Variants in TBL1X observed in about 807,000 individuals in gnomAD.
TBL1X encodes transducin beta like 1 X-linked, also known as F-box-like/WD repeat-containing protein TBL1X.
A neutral mutation model predicts 50.7 loss-of-function variants in TBL1X; 10 were observed. The observed-to-expected ratio is 0.20, with a 90% CI of 0.12 to 0.33. The LOEUF (loss-of-function observed/expected upper bound fraction) is 0.33. Ranked by LOEUF, TBL1X falls within the 10% of genes least tolerant of loss-of-function variation. TBL1X has a pLI of 1.00. For missense variants in TBL1X, 340 were observed against 504.4 expected (o/e 0.67, Z 3.12); for synonymous variants, 190 against 214.7 (o/e 0.88, Z 1.01).
At chrX:9,520,876 G>A (rs1402599250) in intron 2 of TBL1X, among the ~76,000 whole-genome samples, 2 of 111,344 alleles carry the variant, frequency 1.8e-5, no homozygotes. Flanking sequence ...AGGATTGCTC[G>A]AGCCCAGGAG....
intron 5 of TBL1X, among the ~76,000 whole-genome samples, chrX:9,673,167 G>A (rs1388722793): frequency 8.9e-6 from 1 of 112,509 alleles, no homozygotes; most frequent in Non-Finnish European, 1.9e-5. Flanking sequence ...TAGAAGGGCG[G>A]AGAGAAGCAT....
intron 1 of TBL1X, among the ~76,000 whole-genome samples, chrX:9,489,179 G>T (rs1659548507): frequency 9.1e-6 from 1 of 110,023 alleles, no homozygotes; most frequent in South Asian, 4.0e-4. Context: ...TCAGCTGTGG[G>T]TAAGGAATGA....
intron 2 of TBL1X, among the ~76,000 whole-genome samples, chrX:9,578,497 T>C (rs1471838810): frequency 9.0e-6 from 1 of 111,548 alleles, no homozygotes; most frequent in East Asian, 2.8e-4. Context: ...AAATTGGAAA[T>C]CCAACTGCGC....
At chrX:9,567,851 C>T (rs1814868232) in intron 2 of TBL1X, among the ~76,000 whole-genome samples, 1 of 112,232 alleles carries the variant, frequency 8.9e-6, no homozygotes, top group Non-Finnish European at 1.9e-5. Context: ...AACTCAAGTG[C>T]CACCTCCTCC....
chrX:9,496,488 GT>G (rs1798648820), intron 1 of TBL1X, among the ~76,000 whole-genome samples: 1 of 112,820 alleles, frequency 8.9e-6, no homozygotes, highest in African/African-American at 3.2e-5. Flanking sequence ...GACTTCAGTT[GT>G]ACATATCAAT....
chrX:9,491,339 T>TATATATATATATA (rs1491249258), intron 1 of TBL1X, among the ~76,000 whole-genome samples: 1 of 19,223 alleles, frequency 5.2e-5, no homozygotes, highest in African/African-American at 2.4e-4. Context: ...TATATATATA[T>TATATATATATATA]TTTTTTTTTT....
chrX:9,583,752 A>G (rs1350792812), intron 2 of TBL1X, among the ~76,000 whole-genome samples: 4 of 111,886 alleles, frequency 3.6e-5, no homozygotes, highest in Admixed American at 1.9e-4. Context: ...AATGCTAAGC[A>G]TTTAGTAATT....
Position 9,572,946 on chromosome X carries a change from C to A in TBL1X, c.-130-67327C>A, listed in dbSNP as rs988929175. Among the ~76,000 whole-genome samples, 14 of 112,529 alleles carry A rather than the reference C, an allele frequency of 1.2e-4. No homozygotes were observed. In the Admixed American group the frequency reaches 1.3e-3, roughly 11 times the overall value. On this transcript the variant is annotated intron_variant, in intron 2 of 17. Coordinates refer to ENST00000645353, the MANE Select transcript of TBL1X (RefSeq NM_005647.4). The stretch of plus-strand genomic sequence containing the variant: ...AATAATGAAAAACCAGTTACAAAAT[C>A]TGTATTACCTGTAGCAGTACACATT...
At chrX:9,659,290 C>T (rs767650118) in intron 5 of TBL1X, among the ~76,000 whole-genome samples, 7 of 112,362 alleles carry the variant, frequency 6.2e-5, no homozygotes, top group South Asian at 3.7e-4. Context: ...CACCCTGCCC[C>T]GGCAACCACC....
chrX:9,696,606 C>A (rs1376009008), intron 11 of TBL1X, among the ~76,000 whole-genome samples: 1 of 112,825 alleles, frequency 8.9e-6, no homozygotes, highest in Admixed American at 9.4e-5. Context: ...TGGTGCCTGG[C>A]CCCAGTGCAA....
chrX:9,701,622 A>G (rs1459944423), intron 12 of TBL1X, among the ~76,000 whole-genome samples: 1 of 106,834 alleles, frequency 9.4e-6, no homozygotes, highest in East Asian at 3.0e-4. Flanking sequence ...AACAACTCTT[A>G]ATGTTTTGAG....
intron 2 of TBL1X, among the ~76,000 whole-genome samples, chrX:9,537,682 G>A (rs1217547974): frequency 8.9e-6 from 1 of 112,737 alleles, no homozygotes; most frequent in Non-Finnish European, 1.9e-5. Context: ...GTGTATGGAT[G>A]GACTACACTC....
At chrX:9,574,586 C>T (rs933728698) in intron 2 of TBL1X, among the ~76,000 whole-genome samples, 1 of 110,065 alleles carries the variant, frequency 9.1e-6, no homozygotes, top group African/African-American at 3.3e-5. Context: ...CCCAGATTCA[C>T]TAACAAGAAG....
chrX:9,572,472 C>T lies in TBL1X; in HGVS notation c.-130-67801C>T, dbSNP rs752220518. Among the ~76,000 whole-genome samples the T allele has an allele frequency of 1.2e-4, 13 of 112,956 alleles. 1 individual carries two copies. The highest frequency in any genetic ancestry group is 7.5e-5 in the Non-Finnish European group (4 of 53,420). On this transcript the variant is annotated intron_variant, in intron 2 of 17. Coordinates refer to ENST00000645353, the MANE Select transcript of TBL1X (RefSeq NM_005647.4). Reference sequence around the variant, plus strand: ...GTGTGTATAAACTTTGGGGACACTTCGCAATCAGCATGATGAAGTTTTATT... The same window carrying T: ...GTGTGTATAAACTTTGGGGACACTTTGCAATCAGCATGATGAAGTTTTATT...
chrX:9,612,295 T>A (rs369066481), intron 2 of TBL1X, among the ~76,000 whole-genome samples: 1 of 111,445 alleles, frequency 9.0e-6, no homozygotes, highest in South Asian at 3.8e-4. Context: ...AAAGCCTCCA[T>A]ATGCCTCTTC....
At chrX:9,620,865 C>T (rs2082663313) in intron 2 of TBL1X, among the ~76,000 whole-genome samples, 1 of 112,130 alleles carries the variant, frequency 8.9e-6, no homozygotes, top group African/African-American at 3.2e-5. Context: ...ATGACTCCCA[C>T]TGGGTCCCAG....
chrX:9,609,336 G>GGTGTGTGTGTGTGTGT (rs775969638), intron 2 of TBL1X, among the ~76,000 whole-genome samples: 27 of 94,773 alleles, frequency 2.8e-4, no homozygotes, highest in African/African-American at 8.9e-4. Flanking sequence ...TTTTCTTCCA[G>GGTGTGTGTGTGTGTGT]GTGTGTGTGT....
chrX:9,662,841 C>CAGCT (rs2082906460), intron 5 of TBL1X, among the ~76,000 whole-genome samples: 1 of 112,081 alleles, frequency 8.9e-6, no homozygotes, highest in African/African-American at 3.2e-5. Flanking sequence ...CCTGCAGTCC[C>CAGCT]AGCTATTCAG....
intron 2 of TBL1X, among the ~76,000 whole-genome samples, chrX:9,555,855 G>A (rs1001521547): frequency 3.6e-5 from 4 of 111,292 alleles, no homozygotes; most frequent in South Asian, 3.8e-4. Context: ...CAGTGTAACC[G>A]GCCTCTCAGA....
Sources: gnomAD v4.1 joint callset for allele counts (sites outside exome capture counted in the v4.1 genomes callset) on GRCh38, gnomAD v4.1.1 for gene constraint, MANE v1.5 for transcripts, NCBI Gene and HGNC (gene_info 2026-07-23, HGNC 2026-07-21) for gene names.